PSD3: variants seen among roughly 807,000 people sequenced by gnomAD.
PSD3 encodes the protein PH and SEC7 domain-containing protein 3.
A neutral mutation model predicts 105.5 loss-of-function variants in PSD3; 49 were observed. The ratio of observed to expected loss-of-function variants is 0.46; its 90% CI spans 0.37 to 0.59. The LOEUF (loss-of-function observed/expected upper bound fraction) is 0.59. Ranked by LOEUF, PSD3 falls within the 20% of genes least tolerant of loss-of-function variation. The probability of loss-of-function intolerance (pLI) is 0.00; values close to 1 mark genes in which losing one functional copy is unlikely to be tolerated. For missense variants in PSD3, 1,561 were observed against 1,263.8 expected (o/e 1.24, Z -3.57); for synonymous variants, 557 against 457.8 (o/e 1.22, Z -2.77).
intron 4 of PSD3, among the ~76,000 whole-genome samples, chr8:18,836,903 C>G (rs35536640): frequency 2.6e-5 from 2 of 76,332 alleles, no homozygotes; most frequent in African/African-American, 9.5e-5. Context: ...CTCACAGATA[C>G]CAGGGCTGAC....
intron 11 of PSD3, among the ~76,000 whole-genome samples, chr8:18,620,032 AC>A (rs1805989304): frequency 6.6e-6 from 1 of 152,086 alleles, no homozygotes; most frequent in Non-Finnish European, 1.5e-5. Context: ...GAGGGCTGCC[AC>A]CCATGAGGCT....
chr8:18,543,701 A>T (rs1212467091), intron 15 of PSD3, among the ~76,000 whole-genome samples: 1 of 152,106 alleles, frequency 6.6e-6, no homozygotes, highest in Non-Finnish European at 1.5e-5. Context: ...ATCAATGTCT[A>T]CGAGGGATAA....
chr8:18,655,552 A>T, intron 10 of PSD3, 90 bp downstream of exon 10: 1 of 1,241,466 alleles, frequency 8.1e-7, no homozygotes, highest in East Asian at 2.3e-5. Context: ...TGCATATTTA[A>T]TCCTTCTCTA....
rs745508118 is a variant in PSD3, at chr8:18,632,783, G to C, written c.2240C>G (p.Ser747Cys). Residue 747 changes from serine to cysteine, a missense_variant, in exon 11 of 16, where the codon TCT becomes TGT. By Grantham distance (112) the Ser-to-Cys change is moderately radical. Coordinates refer to ENST00000327040, the MANE Select transcript of PSD3 (RefSeq NM_015310.4). ...WAVDDEEKKK[S>C]PSESTEEKAN... ...TTTCTCCTCAGTACTTTCTGAGGGA[G>C]ACTTTTTTTTCTCTTCATCATCTCT... 13 of 1,586,550 alleles carry C rather than the reference G, an allele frequency of 8.2e-6. No individual in the cohort carries two copies. The highest frequency in any genetic ancestry group is 1.1e-5 in the Non-Finnish European group (13 of 1,158,810).
At chr8:19,014,008 C>G (rs1244802349), upstream of PSD3, 3 of 151,608 alleles carry the variant, frequency 2.0e-5, no homozygotes, top group African/African-American at 7.3e-5. This position sits in a 1 kb window ranked among gnomAD's most constrained non-coding sequence, Gnocchi z 4.9. Flanking sequence ...TCCGCTGCCT[C>G]CCGCAGCCGC....
intron 8 of PSD3, chr8:18,775,013 C>T (rs891047233): frequency 4.4e-6 from 2 of 455,160 alleles, no homozygotes; most frequent in African/African-American, 2.0e-5. Context: ...ATCCCCTGTG[C>T]CCCTCCTCCT....
At chr8:18,900,402 C>T (rs539881288) in intron 2 of PSD3, among the ~76,000 whole-genome samples, 11 of 152,244 alleles carry the variant, frequency 7.2e-5, no homozygotes, top group South Asian at 4.1e-4. Flanking sequence ...TTTCTTACAA[C>T]GGTACTTACA....
rs371288660 is a variant in PSD3, at chr8:18,936,005, C to T, written c.130+29G>A. 46 of 1,417,562 alleles carry T rather than the reference C, an allele frequency of 3.2e-5. No individual in the cohort carries two copies. The African/African-American group carries it at 6.5e-4, about 20-fold the overall frequency. 87.8% of individuals were successfully genotyped at this position (1,417,562 alleles called of 1,614,324 possible). A position where few individuals can be genotyped will look rare whatever the true frequency, so the allele number is the denominator to read the frequency against. ...AATCACAGCTCTTCATATAGTTTAC[C>T]TGGGAGAGGGATATGAGGAAATACT... is the stretch of plus-strand genomic sequence containing the variant. On this transcript the variant is annotated intron_variant, in intron 2 of 15. Transcript: ENST00000327040.
chr8:18,555,079 G>C, intron 15 of PSD3, among the ~76,000 whole-genome samples: 1 of 151,980 alleles, frequency 6.6e-6, no homozygotes, highest in South Asian at 2.1e-4. Flanking sequence ...GAGGGGAATC[G>C]GGGAAGCTGT....
At chr8:18,808,602 C>G (rs1209718622) in intron 4 of PSD3, among the ~76,000 whole-genome samples, 1 of 152,160 alleles carries the variant, frequency 6.6e-6, no homozygotes, top group African/African-American at 2.4e-5. Context: ...AAAAAGGTTT[C>G]AGTAAAAGGA....
Position 18,538,575 on chromosome 8 carries a change from G to C in PSD3, c.2929-2617C>G, listed in dbSNP as rs115904039. ...AAGGTAAGTTTAAAAATAGATTCAG[G>C]AAACCAGCGTAAGGCATACGATTTC... On this transcript the variant is annotated intron_variant, in intron 15 of 15. Transcript: ENST00000327040. Among the ~76,000 whole-genome samples the C allele has an allele frequency of 6.7e-3, 1,025 of 152,282 alleles. 15 individuals are homozygous for C. Among genetic ancestry groups the C allele is most frequent in the African/African-American group, 0.023 (955 of 41,568 alleles).
chr8:18,594,950 T>C (rs754076677), intron 12 of PSD3, among the ~76,000 whole-genome samples: 7 of 152,110 alleles, frequency 4.6e-5, no homozygotes, highest in South Asian at 2.1e-4. Context: ...CAATCACTGA[T>C]ATGCAGTGCT....
chr8:18,661,660 A>G (rs1809357935), intron 9 of PSD3, among the ~76,000 whole-genome samples: 1 of 152,156 alleles, frequency 6.6e-6, no homozygotes, highest in Non-Finnish European at 1.5e-5. Context: ...ACACCTTGCG[A>G]TGTACCAAAT....
In PSD3 at chr8:18,872,472, A is replaced by G. The variant is rs779772054; in HGVS notation, c.392T>C (p.Ile131Thr). The change falls in exon 3 of 16, where the codon ATT becomes ACT. Residue 131 changes from isoleucine to threonine, a missense_variant. Physicochemically the swap from Ile to Thr is moderately conservative, Grantham distance 89. Coordinates refer to ENST00000327040, the MANE Select transcript of PSD3 (RefSeq NM_015310.4). ...SHLKEQSLQP[I>T]DSLISALKAT... ...TTTCAGAGCTGAAATCAAAGAGTCA[A>G]TGGGCTGTAAACTTTGTTCCTTGAG... The G allele has an allele frequency of 6.2e-7, 1 of 1,614,164 alleles. No individual in the cohort carries two copies. Among genetic ancestry groups the G allele is most frequent in the South Asian group, 1.1e-5 (1 of 91,076 alleles).
intron 11 of PSD3, among the ~76,000 whole-genome samples, chr8:18,628,330 T>C (rs918532709): frequency 1.3e-5 from 2 of 151,886 alleles, no homozygotes; most frequent in African/African-American, 4.8e-5. Flanking sequence ...TTGAAAGCAT[T>C]CATAGTAGCA....
chr8:18,913,610 C>A (rs1325645730), intron 2 of PSD3, among the ~76,000 whole-genome samples: 4 of 152,008 alleles, frequency 2.6e-5, no homozygotes, highest in Non-Finnish European at 4.4e-5. Flanking sequence ...CAAGCTGCCA[C>A]GAACCCAGGA....
At chr8:18,934,450 GCC>G (rs1372289191) in intron 2 of PSD3, among the ~76,000 whole-genome samples, 1 of 151,754 alleles carries the variant, frequency 6.6e-6, no homozygotes. Context: ...TCGCTCTATC[GCC>G]CAGGCTGGAG....
At chr8:18,717,231 A>C (rs1023254026) in intron 9 of PSD3, among the ~76,000 whole-genome samples, 3 of 152,330 alleles carry the variant, frequency 2.0e-5, no homozygotes, top group African/African-American at 4.8e-5. Flanking sequence ...CGTTTATTTT[A>C]ATTTTTTTTT....
chr8:18,552,945 T>C (rs548857103), intron 15 of PSD3, among the ~76,000 whole-genome samples: 17 of 152,274 alleles, frequency 1.1e-4, no homozygotes, highest in African/African-American at 4.1e-4. Flanking sequence ...TTGCTCTCTG[T>C]AAATTTTTTT....
Sources: allele counts gnomAD v4.1 joint callset (sites outside exome capture counted in the v4.1 genomes callset), GRCh38; gene constraint gnomAD v4.1.1; non-coding constraint Gnocchi (gnomAD v3.1); transcripts MANE v1.5; gene names NCBI Gene and HGNC (gene_info 2026-07-23, HGNC 2026-07-21).